NWD2: variants seen among roughly 807,000 people sequenced by gnomAD.
NWD2 encodes the protein NACHT and WD repeat domain-containing protein 2.
Under a neutral mutation model 132.7 loss-of-function variants are expected in NWD2, and 37 were observed. The observed-to-expected ratio is 0.28, with a 90% CI of 0.21 to 0.37. The LOEUF (loss-of-function observed/expected upper bound fraction) is 0.37. NWD2 is among the 10% of genes least tolerant of loss of function. The pLI is 1.00. For synonymous variants in NWD2, 705 were observed against 803.0 expected (o/e 0.88, Z 2.06); for missense variants, 1,592 against 2,122.4 (o/e 0.75, Z 4.91).
intron 3 of NWD2, among the ~76,000 whole-genome samples, chr4:37,357,136 A>G (rs1719886231): frequency 1.3e-5 from 2 of 152,242 alleles, no homozygotes; most frequent in South Asian, 4.1e-4. Context: ...GGTTGTGCAA[A>G]AATCACTGCC....
chr4:37,395,584 CA>C (rs1156884728), intron 3 of NWD2, among the ~76,000 whole-genome samples: 81 of 18,272 alleles, frequency 4.4e-3, no homozygotes, highest in African/African-American at 0.01. Flanking sequence ...AACTCTGTCT[CA>C]AAAAAAAAAA....
At chr4:37,316,204 A>G (rs2109283412) in intron 1 of NWD2, among the ~76,000 whole-genome samples, 1 of 152,110 alleles carries the variant, frequency 6.6e-6, no homozygotes, top group East Asian at 1.9e-4. Flanking sequence ...AGCCTTTTCA[A>G]ATTTGGTGAT....
intron 3 of NWD2, among the ~76,000 whole-genome samples, chr4:37,376,066 T>C (rs1720344784): frequency 6.6e-6 from 1 of 152,210 alleles, no homozygotes; most frequent in Admixed American, 6.5e-5. Context: ...TTATCAAGTG[T>C]TTATTACAAA....
chr4:37,340,868 G>T (rs1195846353), intron 2 of NWD2, among the ~76,000 whole-genome samples: 1 of 152,164 alleles, frequency 6.6e-6, no homozygotes, highest in Non-Finnish European at 1.5e-5. Context: ...ATTTTATTAG[G>T]TAAGGAAACT....
In NWD2 at chr4:37,245,183, G is replaced by A. The variant is rs949913296; in HGVS notation, c.116G>A (p.Arg39His). 1.9e-6 allele frequency: 3 copies of A among 1,543,374 alleles called. No individual in the cohort carries two copies. The highest frequency in any genetic ancestry group is 1.7e-6 in the Non-Finnish European group (2 of 1,146,000). Residue 39 changes from arginine (R) to histidine (H), a missense_variant, in exon 1 of 7, where the codon CGC becomes CAC. By Grantham distance (29) the Arg-to-His change is conservative (BLOSUM62 0). Coordinates refer to ENST00000309447, the MANE Select transcript of NWD2 (RefSeq NM_001144990.2). The stretch of plus-strand genomic sequence containing the variant: ...CCCTCTCACCTCGTGCCCGCCGGCC[G>A]CAGCGTCCGGGTCTTCATCAGCGCC... ...ALPSHLVPAG[R>H]SVRVFISANP...
chr4:37,280,875 C>A (rs1312865434), intron 1 of NWD2, among the ~76,000 whole-genome samples: 1 of 152,126 alleles, frequency 6.6e-6, no homozygotes, highest in Non-Finnish European at 1.5e-5. Flanking sequence ...CAGGTTAAGA[C>A]CCTGGGGAAT....
At chr4:37,248,161 C>A (rs1717282862) in intron 1 of NWD2, among the ~76,000 whole-genome samples, 1 of 152,094 alleles carries the variant, frequency 6.6e-6, no homozygotes, top group South Asian at 2.1e-4. Flanking sequence ...AGGCTCTTGA[C>A]AGATCTCTGT....
chr4:37,266,901 A>C (rs991550647), intron 1 of NWD2, among the ~76,000 whole-genome samples: 1 of 152,060 alleles, frequency 6.6e-6, no homozygotes, highest in Non-Finnish European at 1.5e-5. Context: ...TAATACTTTA[A>C]CACAAAAGAT....
rs6822484 is a variant in NWD2 at position 37,409,189 on chromosome 4, G to T, written c.358-21383G>T. ...AAGTTGACAGAAGTAGGATTCAGAA[G>T]GTGGGTAATAACAAACTCCACCAAG... On this transcript the variant is annotated intron_variant, in intron 3 of 6. Transcript: ENST00000309447. 6.1e-3 allele frequency among the ~76,000 whole-genome samples: 925 copies of T among 152,076 alleles called. 11 individuals are homozygous for T. The highest frequency in any genetic ancestry group is 0.021 in the African/African-American group (876 of 41,482).
intron 3 of NWD2, among the ~76,000 whole-genome samples, chr4:37,401,292 C>T (rs774670838): frequency 3.0e-4 from 45 of 152,128 alleles, no homozygotes; most frequent in Non-Finnish European, 5.6e-4. Flanking sequence ...GAGAAGATCT[C>T]CTACCTCCAT....
At chr4:37,424,889 A>G (rs1711948547) in intron 3 of NWD2, among the ~76,000 whole-genome samples, 1 of 152,184 alleles carries the variant, frequency 6.6e-6, no homozygotes, top group African/African-American at 2.4e-5. Context: ...CCACAGACTC[A>G]GACCCCAAAG....
chr4:37,403,842 G>A (rs1051998358), intron 3 of NWD2, among the ~76,000 whole-genome samples: 1 of 152,122 alleles, frequency 6.6e-6, no homozygotes, highest in Non-Finnish European at 1.5e-5. Context: ...CCACTTTTAG[G>A]TCCAATTCAG....
intron 3 of NWD2, among the ~76,000 whole-genome samples, chr4:37,365,340 G>T (rs1341534735): frequency 6.6e-6 from 1 of 152,088 alleles, no homozygotes; most frequent in African/African-American, 2.4e-5. Context: ...GTGCAGGGGG[G>T]TTTGTATCAT....
chr4:37,289,625 G>A (rs908377499), intron 1 of NWD2, among the ~76,000 whole-genome samples: 1 of 152,004 alleles, frequency 6.6e-6, no homozygotes, highest in African/African-American at 2.4e-5. Context: ...TTCAATATTT[G>A]TTTACGGTTC....
chr4:37,344,083 A>G (rs1240663398), intron 2 of NWD2, among the ~76,000 whole-genome samples: 1 of 152,206 alleles, frequency 6.6e-6, no homozygotes, highest in Non-Finnish European at 1.5e-5. Flanking sequence ...TGTGCTGTCA[A>G]CAAGTTAGTA....
At chr4:37,371,469 C>G (rs911247543) in intron 3 of NWD2, among the ~76,000 whole-genome samples, 5 of 152,166 alleles carry the variant, frequency 3.3e-5, no homozygotes, top group Admixed American at 3.3e-4. Flanking sequence ...ATCTATTAAA[C>G]AGTTTCTTCA....
At chr4:37,348,735 C>T (rs1197844985) in intron 2 of NWD2, among the ~76,000 whole-genome samples, 1 of 140,648 alleles carries the variant, frequency 7.1e-6, no homozygotes, top group Non-Finnish European at 1.5e-5. Context: ...GCAGAACATG[C>T]AGGTTTGTTA....
chr4:37,445,456 A>C lies in NWD2; in HGVS notation c.3468A>C (p.Glu1156Asp). ...TTCTTATCTTGGACACAGCTCAGGA[A>C]ATGGTCATGGTAGACAGTGAAGGAA... ...KFLLILDTAQEMVMVDSEGSL... is the reference protein window; with the variant it reads ...KFLLILDTAQDMVMVDSEGSL... The change falls in exon 7 of 7, where the codon GAA becomes GAC. Residue 1156 changes from glutamate (E) to aspartate (D), a missense_variant. Coordinates refer to ENST00000309447, the MANE Select transcript of NWD2 (RefSeq NM_001144990.2). This position sits in a 1 kb window ranked among gnomAD's most constrained non-coding sequence, Gnocchi z 4.7. 1 of 1,551,806 alleles carries C rather than the reference A, an allele frequency of 6.4e-7. No homozygotes were observed.
In NWD2 at chr4:37,361,207, G is replaced by A. The variant is rs181986473; in HGVS notation, c.357+4725G>A. On this transcript the variant is annotated intron_variant, in intron 3 of 6. Transcript: ENST00000309447. ...TAAACCTACCAACCAAAAAAAGCCCGGAACCAGATACATTCACAGACAAAT... is the reference window on the plus strand; with the variant it reads ...TAAACCTACCAACCAAAAAAAGCCCAGAACCAGATACATTCACAGACAAAT... Among the ~76,000 whole-genome samples, 198 of 152,052 alleles carry A rather than the reference G, an allele frequency of 1.3e-3. 1 individual carries two copies. Among genetic ancestry groups the A allele is most frequent in the Middle Eastern group, 3.4e-3 (1 of 294 alleles).
Sources: allele counts gnomAD v4.1 joint callset (sites outside exome capture counted in the v4.1 genomes callset), GRCh38; gene constraint gnomAD v4.1.1; non-coding constraint Gnocchi (gnomAD v3.1); transcripts MANE v1.5; gene names NCBI Gene and HGNC (gene_info 2026-07-23, HGNC 2026-07-21).